Variants in COL5A2 observed in about 807,000 individuals in gnomAD.
The protein encoded by COL5A2 is collagen alpha-2(V) chain.
Under a neutral mutation model 208.2 loss-of-function variants are expected in COL5A2, and 23 were observed. The observed-to-expected ratio is 0.11, with a 90% CI of 0.08 to 0.16. The LOEUF (loss-of-function observed/expected upper bound fraction) is 0.16. Among genes scored for constraint, COL5A2 ranks in the 10% least tolerant of loss-of-function variants. The pLI is 1.00. For synonymous variants in COL5A2, 625 were observed against 628.5 expected (o/e 0.99, Z 0.08); for missense variants, 1,590 against 1,956.4 (o/e 0.81, Z 3.53).
chr2:189,380,072 T>C, the COL5A2 span, among the ~76,000 whole-genome samples: 1 of 151,990 alleles, frequency 6.6e-6, no homozygotes, highest in Non-Finnish European at 1.5e-5. Flanking sequence ...TTAAAAATGC[T>C]GTTTGTATAA....
chr2:189,065,628 T>C (rs72904412), intron 23 of COL5A2, among the ~76,000 whole-genome samples: 22,700 of 152,196 alleles, frequency 0.15, 1,673 homozygotes, highest in Middle Eastern at 0.2. Flanking sequence ...ATGAGAGGCA[T>C]AGGTACCATC....
intron 1 of COL5A2, among the ~76,000 whole-genome samples, chr2:189,151,390 A>G (rs1353296414): frequency 6.6e-6 from 1 of 152,188 alleles, no homozygotes; most frequent in Admixed American, 6.5e-5. Context: ...TCTTCAGAGC[A>G]AAGACAATCT....
chr2:189,271,047 G>A, the COL5A2 span, among the ~76,000 whole-genome samples: 1 of 152,246 alleles, frequency 6.6e-6, no homozygotes, highest in South Asian at 2.1e-4. Flanking sequence ...CTCATGGATA[G>A]GAAGAATCAA....
intron 1 of COL5A2, among the ~76,000 whole-genome samples, chr2:189,144,139 T>C (rs1687992320): frequency 6.6e-6 from 1 of 152,124 alleles, no homozygotes. Flanking sequence ...AGAAACCATG[T>C]TGCTGTGATG....
the COL5A2 span, among the ~76,000 whole-genome samples, chr2:189,349,873 G>A: frequency 1.4e-4 from 21 of 152,034 alleles, no homozygotes; most frequent in African/African-American, 4.6e-4. Context: ...ATTTACAATT[G>A]CCTTTGGAAA....
At chr2:189,182,211 GCT>G (rs1171660438), upstream of COL5A2, among the ~76,000 whole-genome samples, 2 of 152,182 alleles carry the variant, frequency 1.3e-5, no homozygotes, top group Non-Finnish European at 2.9e-5. Flanking sequence ...AGACCTCACT[GCT>G]GCAGTGGGGT....
chr2:189,192,297 A>G (rs754809951), intron 1 of COL5A2, among the ~76,000 whole-genome samples: 1 of 152,164 alleles, frequency 6.6e-6, no homozygotes, highest in Non-Finnish European at 1.5e-5. Context: ...GGAAACAAAA[A>G]CTTACCTTGT....
the COL5A2 span, among the ~76,000 whole-genome samples, chr2:189,417,415 G>A: frequency 7.0e-6 from 1 of 142,484 alleles, no homozygotes; most frequent in Non-Finnish European, 1.5e-5. Context: ...TTGATTTCTG[G>A]TAAGTTAAGT....
the COL5A2 span, among the ~76,000 whole-genome samples, chr2:189,261,580 G>A: frequency 6.6e-5 from 10 of 152,124 alleles, no homozygotes; most frequent in South Asian, 2.1e-4. Flanking sequence ...CTGTTAGCTC[G>A]TTCTTGGTCT....
chr2:189,053,337 G>T, intron 38 of COL5A2, 87 bp downstream of exon 38: 2 of 1,229,316 alleles, frequency 1.6e-6, no homozygotes, highest in Non-Finnish European at 2.4e-6. Flanking sequence ...TCCAGAATAC[G>T]ACTTCAAAAC....
the COL5A2 span, among the ~76,000 whole-genome samples, chr2:189,270,021 T>C: frequency 6.6e-6 from 1 of 152,188 alleles, no homozygotes; most frequent in Non-Finnish European, 1.5e-5. Context: ...TTTATTTGCA[T>C]AGAGGTGTTT....
intron 1 of COL5A2, among the ~76,000 whole-genome samples, chr2:189,125,407 C>CAGT (rs747339871): frequency 2.6e-5 from 4 of 152,148 alleles, no homozygotes; most frequent in Non-Finnish European, 2.9e-5. Flanking sequence ...GCACATACAG[C>CAGT]AGTATTCACA....
intron 1 of COL5A2, among the ~76,000 whole-genome samples, chr2:189,117,732 CTTTT>C (rs5837127): frequency 4.0e-5 from 6 of 150,894 alleles, no homozygotes; most frequent in African/African-American, 1.2e-4. Context: ...AATTCTTACT[CTTTT>C]TTTTTTTTCT....
the COL5A2 span, among the ~76,000 whole-genome samples, chr2:189,334,153 C>T: frequency 1.3e-5 from 2 of 151,882 alleles, no homozygotes; most frequent in Non-Finnish European, 2.9e-5. Context: ...TTTAAGAACT[C>T]ACATCCTATA....
At chr2:189,036,949 AC>A in intron 51 of COL5A2, 146 bp from the exon 52 acceptor site, 1 of 687,168 alleles carries the variant, frequency 1.5e-6, no homozygotes, top group Admixed American at 2.4e-5. Context: ...GAAAAAAGTA[AC>A]CGGTATGCAT....
the COL5A2 span, among the ~76,000 whole-genome samples, chr2:189,339,855 G>A: frequency 6.6e-6 from 1 of 152,116 alleles, no homozygotes; most frequent in African/African-American, 2.4e-5. Context: ...ATTTTTCTGA[G>A]AAAGGAACTC....
At chr2:189,050,836 T>A (rs1373258211) in intron 42 of COL5A2, among the ~76,000 whole-genome samples, 160 bp from the exon 43 acceptor site, 1 of 152,180 alleles carries the variant, frequency 6.6e-6, no homozygotes, top group Non-Finnish European at 1.5e-5. Flanking sequence ...TAAATTGTAA[T>A]CCGCACAGAA....
the COL5A2 span, among the ~76,000 whole-genome samples, chr2:189,371,831 T>C: frequency 2.0e-5 from 3 of 152,008 alleles, no homozygotes; most frequent in African/African-American, 7.2e-5. Context: ...GGCAGAAAAA[T>C]AAAAACCATT....
the COL5A2 span, among the ~76,000 whole-genome samples, chr2:189,301,023 CAA>C: frequency 6.6e-6 from 1 of 151,924 alleles, no homozygotes; most frequent in South Asian, 2.1e-4. Context: ...CCTGTCTCTA[CAA>C]AAAATACAAA....
Sources: gnomAD v4.1 joint callset for allele counts (sites outside exome capture counted in the v4.1 genomes callset) on GRCh38, gnomAD v4.1.1 for gene constraint, MANE v1.5 for transcripts, NCBI Gene and HGNC (gene_info 2026-07-23, HGNC 2026-07-21) for gene names.